SEPTIN2: variants seen among roughly 807,000 people sequenced by gnomAD.
SEPTIN2 encodes septin-2.
A neutral mutation model predicts 46.5 loss-of-function variants in SEPTIN2; 34 were observed. That is an observed-to-expected ratio of 0.73 (90% CI 0.56 to 0.97). The LOEUF is 0.97. Among genes scored for constraint, SEPTIN2 ranks in the 50% least tolerant of loss-of-function variants. The pLI is 0.00. For missense variants in SEPTIN2, 347 were observed against 448.4 expected (o/e 0.77, Z 2.04); for synonymous variants, 175 against 153.4 (o/e 1.14, Z -1.04).
intron 5 of SEPTIN2, chr2:241,336,400 A>C (rs929679214): frequency 2.1e-5 from 7 of 325,792 alleles, no homozygotes; most frequent in South Asian, 4.3e-5. Flanking sequence ...CATCCTTTCT[A>C]TGTGGAAGGA....
At chr2:241,335,501 T>G in intron 4 of SEPTIN2, 2 of 735,950 alleles carry the variant, frequency 2.7e-6, no homozygotes, top group Non-Finnish European at 4.6e-6. Context: ...TAAGTGAGAA[T>G]GTTTTACATC....
At position 241,325,683 on chromosome 2, in the gene SEPTIN2, T is replaced by G. The variant is rs2077840603; in HGVS notation, c.10-310T>G. Among the ~76,000 whole-genome samples the G allele has an allele frequency of 2.6e-5, 4 of 152,210 alleles. No individual in the cohort carries two copies. The South Asian group carries it at 8.3e-4, about 31-fold the overall frequency. ...AGTCTCTCAAGTCGAAATTTGAAAT[T>G]GCATTAAGATGTATTAAGCATGTAT... On this transcript the variant is annotated intron_variant, in intron 2 of 12. Transcript: ENST00000391971.
In SEPTIN2 at chr2:241,352,192, C is replaced by T. The variant is rs1443293854; in HGVS notation, c.*255C>T. 2 of 152,542 alleles carry T rather than the reference C, an allele frequency of 1.3e-5. No homozygotes were observed. Among genetic ancestry groups the T allele is most frequent in the African/African-American group, 2.4e-5 (1 of 41,388 alleles). The allele number at this position is 152,542 out of a possible 1,614,324, so 9.4% of individuals were successfully genotyped here. A position where few individuals can be genotyped will look rare whatever the true frequency, so the allele number is the denominator to read the frequency against. ...GGTGAATGTCTTCCTTTTCTTTCTC[C>T]CTAACCACTAATGTTAGAATTGATT... On this transcript the variant is annotated 3_prime_UTR_variant, in exon 13 of 13. Transcript: ENST00000391971.
chr2:241,321,875 G>A (rs1369167746), intron 1 of SEPTIN2, among the ~76,000 whole-genome samples: 1 of 151,910 alleles, frequency 6.6e-6, no homozygotes, highest in African/African-American at 2.4e-5. Flanking sequence ...TTGAAAACGA[G>A]ATGCCAACTC....
chr2:241,347,892 G>C (rs995532593), intron 10 of SEPTIN2, among the ~76,000 whole-genome samples: 3 of 152,130 alleles, frequency 2.0e-5, no homozygotes, highest in African/African-American at 7.2e-5. Context: ...GCACGTGCCT[G>C]TAATGCCAGT....
At chr2:241,320,986 A>G (rs2077033280) in intron 1 of SEPTIN2, among the ~76,000 whole-genome samples, 2 of 152,178 alleles carry the variant, frequency 1.3e-5, no homozygotes, top group South Asian at 2.1e-4. Flanking sequence ...CAGTAATGTA[A>G]CAAATTACTG....
rs745530618 is a variant in SEPTIN2, at chr2:241,353,459, G to A, written c.*1522G>A. The A allele has an allele frequency of 6.6e-6, 1 of 152,094 alleles. No individual in the cohort carries two copies. The highest frequency in any genetic ancestry group is 1.5e-5 in the Non-Finnish European group (1 of 68,018). The allele number at this position is 152,094 out of a possible 1,614,324, so 9.4% of individuals were successfully genotyped here. On this transcript the variant is annotated 3_prime_UTR_variant, in exon 13 of 13. Coordinates refer to ENST00000391971, the MANE Select transcript of SEPTIN2 (RefSeq NM_004404.5). ...AATGCTTAATCTGAGGATGAGACAG[G>A]GTTTTTTCATTTTTGTGGGGGCTAG... is the stretch of plus-strand genomic sequence containing the variant.
chr2:241,343,689 T>C (rs1559657090), intron 8 of SEPTIN2, 63 bp from the exon 9 acceptor site: 1 of 1,587,998 alleles, frequency 6.3e-7, no homozygotes. Context: ...AATGTTCTCG[T>C]GTTGCCAGTG....
chr2:241,348,101 A>G (rs1046648903), intron 10 of SEPTIN2, 33 bp from the exon 11 acceptor site: 6 of 1,550,394 alleles, frequency 3.9e-6, no homozygotes, highest in South Asian at 1.1e-5. Context: ...TATTTGTTGC[A>G]GTGTTATGAT....
chr2:241,347,210 C>T (rs774996357), intron 10 of SEPTIN2, among the ~76,000 whole-genome samples: 31 of 152,138 alleles, frequency 2.0e-4, no homozygotes, highest in South Asian at 2.1e-4. Flanking sequence ...CGCACCACCA[C>T]GCTCCAGACT....
chr2:241,320,354 T>A (rs1668939609), intron 1 of SEPTIN2: 3 of 469,456 alleles, frequency 6.4e-6, no homozygotes, highest in Non-Finnish European at 4.4e-6. Flanking sequence ...TGGTTCTGTA[T>A]TGGTAATTTA....
Position 241,343,023 on chromosome 2 carries a change from A to G in SEPTIN2, c.626A>G (p.Lys209Arg). The change falls in exon 8 of 13, where the codon AAA becomes AGA. Residue 209 changes from lysine (K) to arginine (R), a missense_variant. Transcript: ENST00000391971. ...ILDEIEEHNI[K>R]IYHLPDAESD... ...GATGAAATTGAAGAACATAACATCA[A>G]AATCTATCACTTACCTGATGCAGAA... is the stretch of plus-strand genomic sequence containing the variant. 1 of 1,609,646 alleles carries G rather than the reference A, an allele frequency of 6.2e-7. No individual in the cohort carries two copies. Among genetic ancestry groups the G allele is most frequent in the South Asian group, 1.1e-5 (1 of 90,514 alleles).
chr2:241,320,400 C>T, intron 1 of SEPTIN2: 1 of 440,338 alleles, frequency 2.3e-6, no homozygotes, highest in South Asian at 1.7e-5. Context: ...AGATTTGGGG[C>T]CATTTTGCTA....
chr2:241,325,124 T>C (rs1240103397), intron 2 of SEPTIN2: 1 of 152,164 alleles, frequency 6.6e-6, no homozygotes, highest in African/African-American at 2.4e-5. Flanking sequence ...ACTGTTAATA[T>C]GTTACATATA....
chr2:241,322,911 A>T (rs1021652085), intron 1 of SEPTIN2, among the ~76,000 whole-genome samples: 1 of 152,158 alleles, frequency 6.6e-6, no homozygotes, highest in South Asian at 2.1e-4. Flanking sequence ...TGTGTATCCC[A>T]TTTGTGTCCC....
chr2:241,337,604 A>G lies in SEPTIN2; in HGVS notation c.477-69A>G, dbSNP rs2080247261. ...TGTGTATTTTAATATAAGAATTAAG[A>G]TAATTTGAGAGAGAAGAGTTTTGTA... On this transcript the variant is annotated intron_variant, in intron 6 of 12. Transcript: ENST00000391971. 5 of 1,579,682 alleles carry G rather than the reference A, an allele frequency of 3.2e-6. No homozygotes were observed. In the Admixed American group the frequency reaches 7.1e-5, roughly 22 times the overall value.
At chr2:241,337,639 T>G (rs780886311) in intron 6 of SEPTIN2, 34 bp from the exon 7 acceptor site, 8 of 1,590,442 alleles carry the variant, frequency 5.0e-6, no homozygotes, top group Non-Finnish European at 6.9e-6. Context: ...ATGTATTTTT[T>G]TTAAATAAGT....
intron 7 of SEPTIN2, among the ~76,000 whole-genome samples, chr2:241,338,885 AATATATATT>A (rs1285963014): frequency 4.1e-4 from 37 of 89,912 alleles, no homozygotes; most frequent in African/African-American, 5.5e-4. Flanking sequence ...ATATATCTAT[AATATATATT>A]ATATATATTA....
chr2:241,347,468 C>T, intron 10 of SEPTIN2, among the ~76,000 whole-genome samples: 1 of 152,306 alleles, frequency 6.6e-6, no homozygotes, highest in South Asian at 2.1e-4. Context: ...GCACAGTTCT[C>T]AGGTGTGCTT....
Sources: gnomAD v4.1 joint callset for allele counts (sites outside exome capture counted in the v4.1 genomes callset) on GRCh38, gnomAD v4.1.1 for gene constraint, MANE v1.5 for transcripts, NCBI Gene and HGNC (gene_info 2026-07-23, HGNC 2026-07-21) for gene names.